Variants in AGR2 observed in about 807,000 individuals in gnomAD.
AGR2 encodes the protein anterior gradient protein 2 homolog.
In AGR2, 27 loss-of-function variants were observed where a neutral mutation model predicts 25.9. That is an observed-to-expected ratio of 1.04 (90% CI 0.77 to 1.44). The LOEUF is 1.44. Ranked by LOEUF, AGR2 falls within the 40% of genes most tolerant of loss-of-function variation. AGR2 has a pLI of 0.00. For missense variants in AGR2, 182 were observed against 200.9 expected, an observed-to-expected ratio of 0.91 and a Z score of 0.57; for synonymous variants, 78 against 72.0, an observed-to-expected ratio of 1.08 and a Z score of -0.42.
chr7:16,801,605 A>G (rs752892459), intron 2 of AGR2, 53 bp downstream of exon 2: 2 of 1,610,032 alleles, frequency 1.2e-6, no homozygotes, highest in African/African-American at 1.3e-5. Flanking sequence ...AAGAGAGAGG[A>G]AATCTTTTCC....
At chr7:16,797,524 T>C in intron 6 of AGR2, 107 bp downstream of exon 6, 1 of 832,188 alleles carries the variant, frequency 1.2e-6, no homozygotes, top group South Asian at 1.7e-5. Context: ...TAGAGCTTAG[T>C]GATGACATTG....
intron 4 of AGR2, among the ~76,000 whole-genome samples, chr7:16,800,564 GTCTACCAGCC>G (rs1427491357): frequency 2.6e-5 from 4 of 152,208 alleles, no homozygotes; most frequent in Admixed American, 6.5e-5. Flanking sequence ...TCTGATTTAT[GTCTACCAGCC>G]TCACTCTGGC....
chr7:16,802,311 T>C (rs1785162883), intron 1 of AGR2, among the ~76,000 whole-genome samples: 1 of 152,202 alleles, frequency 6.6e-6, no homozygotes, highest in Non-Finnish European at 1.5e-5. Flanking sequence ...TATGTAGTGT[T>C]TGGTACTAAT....
intron 5 of AGR2, among the ~76,000 whole-genome samples, chr7:16,799,276 T>C (rs1405015082): frequency 2.0e-5 from 3 of 151,992 alleles, no homozygotes; most frequent in Non-Finnish European, 4.4e-5. Context: ...TTGTATACAG[T>C]AAAAAGAACT....
intron 7 of AGR2, 95 bp downstream of exon 7, chr7:16,794,841 T>A: frequency 1.9e-6 from 3 of 1,589,092 alleles, no homozygotes; most frequent in Non-Finnish European, 2.6e-6. Flanking sequence ...TAAGCCTAGC[T>A]CTCTCTCACC....
intron 2 of AGR2, 61 bp downstream of exon 2, chr7:16,801,595 AAG>A (rs1191668660): frequency 6.2e-7 from 1 of 1,603,668 alleles, no homozygotes; most frequent in Non-Finnish European, 8.5e-7. Flanking sequence ...TTTAAGCACC[AAG>A]AGAGAGGAAA....
intron 7 of AGR2, among the ~76,000 whole-genome samples, chr7:16,793,449 T>G (rs1056806225): frequency 2.0e-5 from 3 of 152,216 alleles, no homozygotes; most frequent in African/African-American, 7.2e-5. Context: ...TTTTCTAGTG[T>G]AGTCATTCCT....
chr7:16,799,133 G>A (rs1785097189), intron 5 of AGR2, among the ~76,000 whole-genome samples: 1 of 152,192 alleles, frequency 6.6e-6, no homozygotes, highest in African/African-American at 2.4e-5. Flanking sequence ...GAGAGGCAAG[G>A]AAGAACTACT....
At chr7:16,798,322 T>A (rs74371294) in intron 5 of AGR2, among the ~76,000 whole-genome samples, 1 of 151,944 alleles carries the variant, frequency 6.6e-6, no homozygotes, top group Non-Finnish European at 1.5e-5. Flanking sequence ...GTCAGTTAGG[T>A]GGAAAAGAAA....
rs1231335207 is a variant in AGR2, at chr7:16,799,598, T to A, written c.330+146A>T. ...AATGGATTATTAATACAACGAAATA[T>A]CTTTTTTCTCTCTAATTTATGAGAT... On this transcript the variant is annotated intron_variant, in intron 5 of 7. Transcript: ENST00000419304. 3 of 545,630 alleles carry A rather than the reference T, an allele frequency of 5.5e-6. No individual in the cohort carries two copies. In the East Asian group the frequency reaches 8.6e-5, roughly 16 times the overall value. 33.8% of individuals were successfully genotyped at this position (545,630 alleles called of 1,614,324 possible).
At position 16,794,714 on chromosome 7, in the gene AGR2, TA is replaced by T. The variant is rs1785014527; in HGVS notation, c.478+221del. The T allele has an allele frequency of 8.1e-6, 10 of 1,234,240 alleles. No individual in the cohort carries two copies. In the South Asian group the frequency reaches 1.5e-4, roughly 19 times the overall value. 76.5% of individuals were successfully genotyped at this position (1,234,240 alleles called of 1,614,324 possible). On this transcript the variant is annotated intron_variant, in intron 7 of 7. Transcript: ENST00000419304. ...GAATCCTCCTAGAGAAAAAGATACC[TA>T]ATCTAAATAATTCATCTTCAATTGA...
chr7:16,801,998 TAA>T (rs1785155198), intron 1 of AGR2, among the ~76,000 whole-genome samples, 195 bp from the exon 2 acceptor site: 1 of 150,868 alleles, frequency 6.6e-6, no homozygotes, highest in African/African-American at 2.4e-5. Context: ...TACAATTGAG[TAA>T]TGTTCCAATA....
chr7:16,797,515 A>G (rs776086658), intron 6 of AGR2, 116 bp downstream of exon 6: 2 of 762,882 alleles, frequency 2.6e-6, no homozygotes, highest in Non-Finnish European at 4.4e-6. Flanking sequence ...GCTCCTTGCT[A>G]GAGCTTAGTG....
intron 4 of AGR2, among the ~76,000 whole-genome samples, 187 bp from the exon 5 acceptor site, chr7:16,800,004 CA>C (rs2115357919): frequency 6.6e-6 from 1 of 152,212 alleles, no homozygotes; most frequent in East Asian, 1.9e-4. Context: ...GCTTTCTATT[CA>C]CTCATTCATC....
At position 16,792,925 on chromosome 7, in the gene AGR2, G is replaced by A. The variant is rs1245766876; in HGVS notation, c.511C>T (p.Leu171=). ...TTTTTTCTTTACAATTCAGTCTTCA[G>A]CAACTTGAGAGCTTTCTTCATGTTG... ...LDNMKKALKL[L]KTEL The change falls in exon 8 of 8, where the codon CTG becomes TTG. Residue 171 remains leucine, a synonymous_variant. Transcript: ENST00000419304. 1.9e-6 allele frequency: 3 copies of A among 1,614,024 alleles called. No individual in the cohort carries two copies. Among genetic ancestry groups the A allele is most frequent in the Admixed American group, 1.7e-5 (1 of 60,006 alleles).
At chr7:16,801,609 C>G (rs777802232) in intron 2 of AGR2, 49 bp downstream of exon 2, 23 of 1,611,836 alleles carry the variant, frequency 1.4e-5, no homozygotes, top group Non-Finnish European at 1.9e-5. Flanking sequence ...GAGAGGAAAT[C>G]TTTTCCAATT....
chr7:16,802,395 C>G (rs1213805468), intron 1 of AGR2, among the ~76,000 whole-genome samples: 4 of 152,160 alleles, frequency 2.6e-5, no homozygotes, highest in Non-Finnish European at 4.4e-5. Context: ...CCGTAATACA[C>G]CTAACCCACT....
intron 7 of AGR2, among the ~76,000 whole-genome samples, chr7:16,793,216 T>G (rs545772399): frequency 1.3e-5 from 2 of 152,178 alleles, no homozygotes; most frequent in African/African-American, 4.8e-5. Context: ...GCCCAGCTAA[T>G]TTTTGTATTT....
rs80282641 is a variant in AGR2, at chr7:16,804,731, C to T, written c.-8+204G>A. ...GCATTTCTCTGAACTAACTCGGGAA[C>T]GTCACACTGTGCCAGCTCTAGCCAA... is the stretch of plus-strand genomic sequence containing the variant. On this transcript the variant is annotated intron_variant, in intron 1 of 7. Transcript: ENST00000419304. Among the ~76,000 whole-genome samples the T allele has an allele frequency of 3.5e-3, 525 of 152,152 alleles. 3 individuals carry two copies. The highest frequency in any genetic ancestry group is 0.012 in the African/African-American group (479 of 41,436).
Sources: gnomAD v4.1 joint callset for allele counts (sites outside exome capture counted in the v4.1 genomes callset) on GRCh38, gnomAD v4.1.1 for gene constraint, MANE v1.5 for transcripts, NCBI Gene and HGNC (gene_info 2026-07-23, HGNC 2026-07-21) for gene names.